The following VPS13A variants were observed in gnomAD, a reference collection of about 807,000 sequenced individuals.
VPS13A encodes intermembrane lipid transfer protein VPS13A.
In VPS13A, 264 loss-of-function variants were observed where a neutral mutation model predicts 390.9. The ratio of observed to expected loss-of-function variants is 0.68; its 90% CI spans 0.61 to 0.75. The LOEUF is 0.75. Among genes scored for constraint, VPS13A ranks in the 30% least tolerant of loss-of-function variants. VPS13A has a pLI of 0.00. For missense variants in VPS13A, 3,409 were observed against 3,733.9 expected (o/e 0.91, Z 2.27); for synonymous variants, 1,231 against 1,227.1 (o/e 1.00, Z -0.07).
chr9:77,292,071 G>T (rs1217713304), intron 31 of VPS13A, among the ~76,000 whole-genome samples: 1 of 152,070 alleles, frequency 6.6e-6, no homozygotes, highest in Admixed American at 6.5e-5. Context: ...TATGGCTATT[G>T]TTTTGAGTAG....
intron 38 of VPS13A, 106 bp downstream of exon 38, chr9:77,315,576 T>G: frequency 1.8e-6 from 2 of 1,129,492 alleles, no homozygotes; most frequent in South Asian, 2.7e-5. Flanking sequence ...TTTAAGAAAT[T>G]AAAATTTTAT....
intron 4 of VPS13A, 146 bp from the exon 5 acceptor site, chr9:77,205,832 C>G: frequency 1.8e-6 from 1 of 543,288 alleles, no homozygotes; most frequent in Non-Finnish European, 3.3e-6. Context: ...CCTCATGATT[C>G]GCCCAGCTTG....
chr9:77,415,907 T>A, intron 71 of VPS13A, 49 bp from the exon 72 acceptor site: 1 of 1,606,288 alleles, frequency 6.2e-7, no homozygotes, highest in African/African-American at 1.3e-5. Flanking sequence ...TTTTGTTTCA[T>A]TACAAGTTCA....
intron 1 of VPS13A, among the ~76,000 whole-genome samples, chr9:77,185,551 C>T (rs1037874756): frequency 6.6e-5 from 10 of 152,138 alleles, no homozygotes; most frequent in African/African-American, 2.4e-4. Context: ...ATCTGGTTAT[C>T]TAAGGGTTCT....
intron 69 of VPS13A, among the ~76,000 whole-genome samples, chr9:77,405,590 T>G (rs1834564029): frequency 6.6e-6 from 1 of 152,246 alleles, no homozygotes; most frequent in Non-Finnish European, 1.5e-5. Flanking sequence ...TAATTTCCTT[T>G]GAGATTCTTT....
chr9:77,415,193 A>T (rs1325912977), intron 71 of VPS13A, among the ~76,000 whole-genome samples: 1 of 152,226 alleles, frequency 6.6e-6, no homozygotes, highest in Non-Finnish European at 1.5e-5. Flanking sequence ...ATTTACCTGC[A>T]ATAAAGTTTT....
chr9:77,209,555 T>C (rs1337363946), intron 6 of VPS13A, 23 bp downstream of exon 6: 5 of 1,406,148 alleles, frequency 3.6e-6, no homozygotes, highest in Non-Finnish European at 5.0e-6. Flanking sequence ...ATATGTGATA[T>C]TTGTTTTTAT....
At chr9:77,231,361 G>A (rs904008992) in intron 17 of VPS13A, among the ~76,000 whole-genome samples, 3 of 152,198 alleles carry the variant, frequency 2.0e-5, no homozygotes, top group East Asian at 1.9e-4. Flanking sequence ...TGTGAGTTAG[G>A]TGTGGTCTGC....
Position 77,205,391 on chromosome 9 carries a change from T to C in VPS13A, c.266T>C (p.Leu89Pro). The change falls in exon 4 of 72, where the codon CTT becomes CCT. Residue 89 changes from leucine (L) to proline (P), a missense_variant. Transcript: ENST00000360280. ...VEAVLEEIYL[L>P]IVPSSRIKYD... is the part of the protein sequence containing the mutation. ...GCCGTATTGGAAGAAATTTATTTAC[T>C]TATAGTGCCTTCTTCTAGTAAGTTA... 6.9e-7 allele frequency: 1 copy of C among 1,439,268 alleles called. No homozygotes were observed. Among genetic ancestry groups the C allele is most frequent in the South Asian group, 1.7e-5 (1 of 58,102 alleles). 89.2% of individuals were successfully genotyped at this position (1,439,268 alleles called of 1,614,324 possible). A position where few individuals can be genotyped will look rare whatever the true frequency, so the allele number is the denominator to read the frequency against.
intron 26 of VPS13A, among the ~76,000 whole-genome samples, chr9:77,278,237 A>ATTTTTTTTT (rs57545793): frequency 2.2e-3 from 259 of 115,288 alleles, no homozygotes; most frequent in Non-Finnish European, 2.6e-3. Flanking sequence ...CGCCCAGCTA[A>ATTTTTTTTT]TTTTTTTTTT....
intron 45 of VPS13A, among the ~76,000 whole-genome samples, chr9:77,326,884 G>T (rs1471130190): frequency 6.6e-6 from 1 of 152,110 alleles, no homozygotes; most frequent in Non-Finnish European, 1.5e-5. Flanking sequence ...TCATTACTCA[G>T]CTGAAGTTTT....
chr9:77,345,249 T>C (rs1587628645), intron 52 of VPS13A, 107 bp downstream of exon 52: 1 of 1,245,742 alleles, frequency 8.0e-7, no homozygotes. Context: ...AATAGCATTG[T>C]AGCTGTGTAA....
chr9:77,278,171 T>C (rs1011889782), intron 26 of VPS13A, among the ~76,000 whole-genome samples: 8 of 151,488 alleles, frequency 5.3e-5, no homozygotes, highest in African/African-American at 1.5e-4. Flanking sequence ...CCTGGGTTCA[T>C]GCCATTCTCC....
chr9:77,384,693 G>A (rs1490830278), intron 68 of VPS13A: 4 of 1,594,026 alleles, frequency 2.5e-6, no homozygotes, highest in African/African-American at 1.3e-5. Context: ...AAATTCATAT[G>A]TTCTTTATTT....
Position 77,238,278 on chromosome 9 carries a change from GTGAATAGTA to G in VPS13A, c.1794_1802del (p.Asn599_Ile601del). 6.2e-7 allele frequency: 1 copy of G among 1,613,572 alleles called. No individual in the cohort carries two copies. Among genetic ancestry groups the G allele is most frequent in the Non-Finnish European group, 8.5e-7 (1 of 1,179,604 alleles). ...ATGATGTTTATTTTAACAGAGGACA[GTGAATAGTA>G]TAGTGGAATTCTTCAGACCTCCAAA... is the stretch of plus-strand genomic sequence containing the variant. On this transcript the variant is annotated inframe_deletion, in exon 19 of 72. Transcript: ENST00000360280.
At chr9:77,338,544 T>C (rs993903249) in intron 47 of VPS13A, 3 of 152,072 alleles carry the variant, frequency 2.0e-5, no homozygotes, top group African/African-American at 7.2e-5. Flanking sequence ...GGAAATCAAA[T>C]TAGATTGTGT....
chr9:77,343,123 C>A (rs556098333), intron 50 of VPS13A, among the ~76,000 whole-genome samples: 2 of 152,208 alleles, frequency 1.3e-5, no homozygotes, highest in South Asian at 4.2e-4. Context: ...CCTGCAGGAG[C>A]TCTCAAGGAA....
intron 68 of VPS13A, among the ~76,000 whole-genome samples, chr9:77,401,111 A>G (rs957276785): frequency 6.6e-6 from 1 of 152,122 alleles, no homozygotes; most frequent in East Asian, 1.9e-4. Flanking sequence ...CTTTCCTTTG[A>G]TATGTCTGCA....
chr9:77,406,011 T>C, intron 70 of VPS13A, 24 bp downstream of exon 70: 1 of 1,612,578 alleles, frequency 6.2e-7, no homozygotes. Flanking sequence ...ATTTATTTTT[T>C]GAAAACTTGG....
Sources: allele counts gnomAD v4.1 joint callset (sites outside exome capture counted in the v4.1 genomes callset), GRCh38; gene constraint gnomAD v4.1.1; transcripts MANE v1.5; gene names NCBI Gene and HGNC (gene_info 2026-07-23, HGNC 2026-07-21).